Variants in NACC2 observed in about 807,000 individuals in gnomAD.
NACC2 encodes the protein NACC family member 2.
A neutral mutation model predicts 25.1 loss-of-function variants in NACC2; 8 were observed. The observed-to-expected ratio is 0.32, with a 90% CI of 0.19 to 0.57. The LOEUF (loss-of-function observed/expected upper bound fraction) is 0.57, where lower values mean the gene tolerates loss of function less well. Ranked by LOEUF, NACC2 falls within the 20% of genes least tolerant of loss-of-function variation. NACC2 has a pLI of 0.89. For synonymous variants in NACC2, 435 were observed against 294.7 expected, an observed-to-expected ratio of 1.48 and a Z score of -4.88; for missense variants, 644 against 650.2, an observed-to-expected ratio of 0.99 and a Z score of 0.10.
intron 1 of NACC2, among the ~76,000 whole-genome samples, chr9:136,090,250 G>A (rs1433037978): frequency 6.6e-6 from 1 of 152,192 alleles, no homozygotes. Flanking sequence ...CAGAGGGGAT[G>A]CCTCAGGGGT....
intron 1 of NACC2, among the ~76,000 whole-genome samples, chr9:136,067,562 G>C (rs1841100370): frequency 6.6e-6 from 1 of 152,086 alleles, no homozygotes; most frequent in Non-Finnish European, 1.5e-5. Context: ...GATGGGCCGG[G>C]CGCGGTGGCT....
intron 1 of NACC2, among the ~76,000 whole-genome samples, chr9:136,080,869 G>GC (rs1350197663): frequency 6.6e-6 from 1 of 152,126 alleles, no homozygotes; most frequent in Non-Finnish European, 1.5e-5. Context: ...GCTGCATCAG[G>GC]CCCCCAGCAG....
chr9:136,013,893 C>T lies in NACC2; in HGVS notation c.1128G>A (p.Leu376=). The T allele has an allele frequency of 6.2e-6, 10 of 1,612,908 alleles. No individual in the cohort carries two copies. The highest frequency in any genetic ancestry group is 8.5e-6 in the Non-Finnish European group (10 of 1,179,990). ...LCAGVKHKVL[L]RRLLATFFDR... is the part of the protein sequence containing the mutation. ...CAAAGAAGGTGGCCAGGAGCCTCCG[C>T]AGCAAGACCTTATGCTTCACCCCTG... is the stretch of plus-strand genomic sequence containing the variant. The change falls in exon 4 of 6, where the codon CTG becomes CTA. Residue 376 remains leucine, a synonymous_variant. Coordinates refer to ENST00000277554, the MANE Select transcript of NACC2 (RefSeq NM_144653.5). This position sits in a 1 kb window ranked among gnomAD's most constrained non-coding sequence, Gnocchi z 6.6.
chr9:136,065,564 G>A (rs192328569), intron 1 of NACC2, among the ~76,000 whole-genome samples: 1 of 152,240 alleles, frequency 6.6e-6, no homozygotes, highest in Non-Finnish European at 1.5e-5. Flanking sequence ...AGGTTGTGGT[G>A]AGCCAAGATT....
chr9:136,089,820 C>T (rs1421498685), intron 1 of NACC2, among the ~76,000 whole-genome samples: 36 of 150,102 alleles, frequency 2.4e-4, no homozygotes, highest in African/African-American at 6.9e-4. Context: ...TAGCACAAAT[C>T]TCTCAGCAGG....
chr9:136,023,229 TGGGTGCAGCTGC>T (rs938405936), intron 2 of NACC2, among the ~76,000 whole-genome samples: 63 of 150,920 alleles, frequency 4.2e-4, no homozygotes, highest in African/African-American at 1.5e-3. Context: ...CCCACACTCA[TGGGTGCAGCTGC>T]GGGGGAAGAT....
In NACC2 at chr9:136,011,211, C is replaced by T. The variant is rs902368496; in HGVS notation, c.*305G>A. 2.3e-5 allele frequency: 5 copies of T among 217,984 alleles called. No homozygotes were observed. The highest frequency in any genetic ancestry group is 3.6e-5 in the Non-Finnish European group (4 of 112,324). The allele number at this position is 217,984 out of a possible 1,614,324, so 13.5% of individuals were successfully genotyped here. A position where few individuals can be genotyped will look rare whatever the true frequency, so the allele number is the denominator to read the frequency against. On this transcript the variant is annotated 3_prime_UTR_variant, in exon 6 of 6. Coordinates refer to ENST00000277554, the MANE Select transcript of NACC2 (RefSeq NM_144653.5). ...AAGGGGCAGGGCTGGGCACCAGGGGCCTGGCGGCCTCCCACCCTCCCCAAG... is the reference window on the plus strand; with the variant it reads ...AAGGGGCAGGGCTGGGCACCAGGGGTCTGGCGGCCTCCCACCCTCCCCAAG...
chr9:136,058,958 G>A (rs562918512), intron 1 of NACC2, among the ~76,000 whole-genome samples: 14 of 152,222 alleles, frequency 9.2e-5, no homozygotes, highest in Non-Finnish European at 1.0e-4. Flanking sequence ...AGAGGCCCAG[G>A]TGTGGGAGGC....
At chr9:136,080,504 A>G (rs1564242358) in intron 1 of NACC2, among the ~76,000 whole-genome samples, 1 of 152,138 alleles carries the variant, frequency 6.6e-6, no homozygotes. Flanking sequence ...CCTGGGAGGC[A>G]GAGGTTGTGT....
chr9:136,094,900 T>C (rs2131196875), intron 1 of NACC2, among the ~76,000 whole-genome samples: 1 of 149,416 alleles, frequency 6.7e-6, no homozygotes, highest in Non-Finnish European at 1.5e-5. Flanking sequence ...AGCCGGGGTC[T>C]CCCCGAACGC....
intron 1 of NACC2, among the ~76,000 whole-genome samples, chr9:136,091,441 C>T (rs919423617): frequency 1.3e-5 from 2 of 152,208 alleles, no homozygotes; most frequent in African/African-American, 4.8e-5. Flanking sequence ...CAAGCAGACA[C>T]TGGGGATGTG....
chr9:136,078,579 G>A (rs1050567328), intron 1 of NACC2, among the ~76,000 whole-genome samples: 4 of 152,188 alleles, frequency 2.6e-5, no homozygotes, highest in South Asian at 2.1e-4. Context: ...ATGCATAGAC[G>A]GGACTCCAGG....
At chr9:136,044,964 G>A (rs1048023544) in intron 2 of NACC2, among the ~76,000 whole-genome samples, 2 of 152,336 alleles carry the variant, frequency 1.3e-5, no homozygotes, top group East Asian at 3.9e-4. Context: ...TGAAAAGGGT[G>A]GGGCCCGCAG....
intron 1 of NACC2, among the ~76,000 whole-genome samples, chr9:136,085,108 G>T (rs1462099394): frequency 6.8e-6 from 1 of 147,102 alleles, no homozygotes; most frequent in East Asian, 2.0e-4. Flanking sequence ...TTTATAGCCT[G>T]GGCAACATAG....
chr9:136,067,708 A>G (rs1440304258), intron 1 of NACC2, among the ~76,000 whole-genome samples: 3 of 151,962 alleles, frequency 2.0e-5, no homozygotes, highest in Non-Finnish European at 4.4e-5. Context: ...GGTGGCGGGC[A>G]CCTGTAGTCC....
chr9:136,077,256 G>A (rs992583899), intron 1 of NACC2, among the ~76,000 whole-genome samples: 2 of 152,064 alleles, frequency 1.3e-5, no homozygotes, highest in African/African-American at 4.8e-5. Context: ...GCTTGAACCC[G>A]GAGGTGGAGG....
At chr9:136,066,766 T>C (rs936309125) in intron 1 of NACC2, among the ~76,000 whole-genome samples, 6 of 151,938 alleles carry the variant, frequency 3.9e-5, no homozygotes, top group Non-Finnish European at 7.4e-5. Context: ...GTAAGTAAAA[T>C]GTGGAATATC....
At position 136,019,007 on chromosome 9, in the gene NACC2, G is replaced by C. The variant is rs1447290176; in HGVS notation, c.887-2578C>G. ...CCCCTGCCCAGCTCCCCAAGAGCCAGAGACTGTCAGCACCAGAGCGGCCAA... is the reference window on the plus strand; with the variant it reads ...CCCCTGCCCAGCTCCCCAAGAGCCACAGACTGTCAGCACCAGAGCGGCCAA... On this transcript the variant is annotated intron_variant, in intron 2 of 5. Coordinates refer to ENST00000277554, the MANE Select transcript of NACC2 (RefSeq NM_144653.5). The surrounding 1 kb of genome is among the most constrained non-coding windows in gnomAD (Gnocchi z 5.2). Among the ~76,000 whole-genome samples the C allele has an allele frequency of 2.0e-5, 3 of 151,018 alleles. No individual in the cohort carries two copies. Among genetic ancestry groups the C allele is most frequent in the African/African-American group, 7.3e-5 (3 of 41,208 alleles).
chr9:136,081,981 G>A (rs1045031627), intron 1 of NACC2, among the ~76,000 whole-genome samples: 5 of 152,098 alleles, frequency 3.3e-5, no homozygotes, highest in African/African-American at 7.2e-5. Flanking sequence ...GAGCTGACGC[G>A]AGAGCCAGGC....
Sources: gnomAD v4.1 joint callset for allele counts (sites outside exome capture counted in the v4.1 genomes callset) on GRCh38, gnomAD v4.1.1 for gene constraint, Gnocchi (gnomAD v3.1) non-coding constraint, MANE v1.5 for transcripts, NCBI Gene and HGNC (gene_info 2026-07-23, HGNC 2026-07-21) for gene names.